Variants in CRADD observed in about 807,000 individuals in gnomAD.
CRADD encodes CARD and death domain containing adaptor protein, also known as death domain-containing protein CRADD.
In CRADD, 9 loss-of-function variants were observed where a neutral mutation model predicts 15.5. That is an observed-to-expected ratio of 0.58 (90% CI 0.35 to 1.01). The LOEUF is 1.01. Ranked by LOEUF, CRADD falls within the 50% of genes least tolerant of loss-of-function variation. The pLI, the probability that CRADD is intolerant of heterozygous loss-of-function variation, is 0.02. For missense variants in CRADD, 227 were observed against 250.3 expected (o/e 0.91, Z 0.63); for synonymous variants, 118 against 107.6 (o/e 1.10, Z -0.60).
intron 2 of CRADD, among the ~76,000 whole-genome samples, chr12:93,795,556 C>T (rs1957405499): frequency 6.6e-6 from 1 of 152,184 alleles, no homozygotes; most frequent in Non-Finnish European, 1.5e-5. Flanking sequence ...TTGGCAGAGC[C>T]AAGGCCTACC....
At chr12:93,708,937 T>C (rs548590141) in intron 2 of CRADD, 4 of 152,572 alleles carry the variant, frequency 2.6e-5, no homozygotes, top group Admixed American at 1.3e-4. Context: ...TCCTGGTTCA[T>C]AGACGGTACC....
chr12:93,788,896 G>A (rs748728493), intron 2 of CRADD, among the ~76,000 whole-genome samples: 5 of 152,072 alleles, frequency 3.3e-5, no homozygotes, highest in Non-Finnish European at 7.4e-5. Context: ...AGTCCCTGTC[G>A]TCATCAGCCT....
At chr12:93,752,847 T>TA (rs1266076634) in intron 2 of CRADD, among the ~76,000 whole-genome samples, 11 of 152,180 alleles carry the variant, frequency 7.2e-5, no homozygotes, top group Non-Finnish European at 1.2e-4. Flanking sequence ...TTATTGGACT[T>TA]ACAGTTTTAC....
At chr12:93,745,272 A>G (rs956028355) in intron 2 of CRADD, among the ~76,000 whole-genome samples, 1 of 152,234 alleles carries the variant, frequency 6.6e-6, no homozygotes, top group African/African-American at 2.4e-5. Flanking sequence ...CTGGACAACT[A>G]TTCAGAAGTA....
rs1009682462 is a variant in CRADD at position 93,877,821 on chromosome 12, G to T, written c.299-16229G>T. Among the ~76,000 whole-genome samples, 26 of 152,304 alleles carry T rather than the reference G, an allele frequency of 1.7e-4. 1 individual carries two copies. Among genetic ancestry groups the T allele is most frequent in the African/African-American group, 6.3e-4 (26 of 41,578 alleles). On this transcript the variant is annotated intron_variant, in intron 2 of 2. Transcript: ENST00000548483. Reference sequence around the variant, plus strand: ...CAAGTCCTGGAGTTGAGGGCTCCAAGAGCCTGCTTGGTGCTCTATCCCCCT... The same window carrying T: ...CAAGTCCTGGAGTTGAGGGCTCCAATAGCCTGCTTGGTGCTCTATCCCCCT...
chr12:93,867,235 G>A, intron 2 of CRADD, among the ~76,000 whole-genome samples: 1 of 151,676 alleles, frequency 6.6e-6, no homozygotes, highest in East Asian at 1.9e-4. Flanking sequence ...TCCTCTTTCT[G>A]TTTTCTAACT....
chr12:93,852,445 A>G (rs540989979), downstream of CRADD, among the ~76,000 whole-genome samples: 4 of 152,384 alleles, frequency 2.6e-5, no homozygotes, highest in African/African-American at 7.2e-5. Context: ...CCAGACAGAC[A>G]GGGCCGAGGG....
chr12:93,713,730 C>A (rs868570209), intron 2 of CRADD, among the ~76,000 whole-genome samples: 1 of 151,914 alleles, frequency 6.6e-6, no homozygotes, highest in Admixed American at 6.6e-5. Context: ...CTGACTATAT[C>A]ATACACATTA....
intron 2 of CRADD, among the ~76,000 whole-genome samples, chr12:93,795,066 A>G (rs983182161): frequency 6.6e-6 from 1 of 152,146 alleles, no homozygotes; most frequent in African/African-American, 2.4e-5. Flanking sequence ...ATTTTAATTT[A>G]TGTAAAGCAT....
chr12:93,763,180 G>C (rs1191278682), intron 2 of CRADD, among the ~76,000 whole-genome samples: 2 of 152,226 alleles, frequency 1.3e-5, no homozygotes, highest in Non-Finnish European at 2.9e-5. Context: ...ACAGCAAATA[G>C]GAGGTAGAGC....
chr12:93,759,961 G>A (rs1283693024), intron 2 of CRADD, among the ~76,000 whole-genome samples: 1 of 152,176 alleles, frequency 6.6e-6, no homozygotes, highest in Non-Finnish European at 1.5e-5. Flanking sequence ...GGTGGGGTGT[G>A]GCAAACAAGG....
intron 2 of CRADD, among the ~76,000 whole-genome samples, chr12:93,817,737 A>G (rs2137015047): frequency 6.6e-6 from 1 of 152,162 alleles, no homozygotes; most frequent in South Asian, 2.1e-4. Flanking sequence ...CTGGTTTTCC[A>G]TTTGATGGCT....
chr12:93,769,209 G>A (rs924068273), intron 2 of CRADD, among the ~76,000 whole-genome samples: 1 of 152,022 alleles, frequency 6.6e-6, no homozygotes, highest in African/African-American at 2.4e-5. Context: ...AGCCGCCTGA[G>A]TAGCTGGGAC....
Position 93,850,134 on chromosome 12 carries a change from A to G in CRADD, c.463A>G (p.Asn155Asp), listed in dbSNP as rs1264573395. 1 of 1,613,830 alleles carries G rather than the reference A, an allele frequency of 6.2e-7. No homozygotes were observed. Among genetic ancestry groups the G allele is most frequent in the Non-Finnish European group, 8.5e-7 (1 of 1,179,844 alleles). Residue 155 changes from asparagine to aspartate, a missense_variant, in exon 3 of 3, where the codon AAC becomes GAC. Physicochemically the swap from Asn to Asp is conservative, Grantham distance 23. Coordinates refer to ENST00000332896, the MANE Select transcript of CRADD (RefSeq NM_003805.5). The surrounding 1 kb of genome is among the most constrained non-coding windows in gnomAD (Gnocchi z 4.0). ...IYRCKANHPH[N>D]VQSQVVEAFI... ...CCGCTGTAAGGCCAACCACCCCCAC[A>G]ACGTGCAGTCGCAGGTGGTGGAGGC...
At chr12:93,868,665 C>G (rs1397759856) in intron 2 of CRADD, among the ~76,000 whole-genome samples, 1 of 150,886 alleles carries the variant, frequency 6.6e-6, no homozygotes, top group Non-Finnish European at 1.5e-5. Context: ...TCATTCTTCT[C>G]TCTCTCCCTC....
At chr12:93,711,055 C>CCCCCCCTT in intron 2 of CRADD, among the ~76,000 whole-genome samples, 40 of 43,500 alleles carry the variant, frequency 9.2e-4, no homozygotes, top group South Asian at 1.3e-3. Context: ...CCACCCCCGC[C>CCCCCCCTT]TTTTTTTTTT....
At chr12:93,783,634 T>C (rs1156904175) in intron 2 of CRADD, among the ~76,000 whole-genome samples, 1 of 152,166 alleles carries the variant, frequency 6.6e-6, no homozygotes, top group East Asian at 1.9e-4. Flanking sequence ...AGCCTATAAA[T>C]TGTAACTTTA....
intron 2 of CRADD, among the ~76,000 whole-genome samples, chr12:93,734,604 C>T (rs1218262319): frequency 6.6e-6 from 1 of 152,172 alleles, no homozygotes. Flanking sequence ...CAATATGTTC[C>T]CGCTGCTCTT....
At chr12:93,754,939 G>A (rs931500463) in intron 2 of CRADD, among the ~76,000 whole-genome samples, 8 of 151,236 alleles carry the variant, frequency 5.3e-5, no homozygotes, top group Non-Finnish European at 1.2e-4. Context: ...CTGCTATGAA[G>A]AAATACTTGA....
Sources: gnomAD v4.1 joint callset for allele counts (sites outside exome capture counted in the v4.1 genomes callset) on GRCh38, gnomAD v4.1.1 for gene constraint, Gnocchi (gnomAD v3.1) non-coding constraint, MANE v1.5 for transcripts, NCBI Gene and HGNC (gene_info 2026-07-23, HGNC 2026-07-21) for gene names.